SHISA9: variants seen among roughly 807,000 people sequenced by gnomAD.
SHISA9 encodes protein shisa-9.
In SHISA9, 13 loss-of-function variants were observed where a neutral mutation model predicts 38.0. The ratio of observed to expected loss-of-function variants is 0.34; its 90% CI spans 0.22 to 0.54. The LOEUF is 0.54. SHISA9 is among the 20% of genes least tolerant of loss of function. The pLI, the probability that SHISA9 is intolerant of heterozygous loss-of-function variation, is 0.91. For synonymous variants in SHISA9, 275 were observed against 242.0 expected (o/e 1.14, Z -1.27); for missense variants, 538 against 575.8 (o/e 0.93, Z 0.67).
intron 2 of SHISA9, among the ~76,000 whole-genome samples, chr16:12,939,441 T>C (rs1189802378): frequency 6.6e-6 from 1 of 152,232 alleles, no homozygotes; most frequent in African/African-American, 2.4e-5. Flanking sequence ...CCCAGAGGTT[T>C]GTTGTTGGTG....
the SHISA9 span, among the ~76,000 whole-genome samples, chr16:13,426,431 A>G: frequency 6.6e-6 from 1 of 152,162 alleles, no homozygotes; most frequent in Non-Finnish European, 1.5e-5. Flanking sequence ...GACACCAAAG[A>G]GCGTCTGCAT....
the SHISA9 span, among the ~76,000 whole-genome samples, chr16:13,546,717 T>C: frequency 2.8e-4 from 43 of 152,336 alleles, no homozygotes; most frequent in African/African-American, 1.0e-3. Context: ...AATTCCTGTT[T>C]TTGTAAAGAC....
chr16:13,282,909 GT>G, the SHISA9 span, among the ~76,000 whole-genome samples: 2 of 151,512 alleles, frequency 1.3e-5, no homozygotes, highest in African/African-American at 2.4e-5. Flanking sequence ...TTTCCTTTAG[GT>G]TTTTTTAAAT....
At chr16:13,214,060 C>G (rs1252626188) in intron 4 of SHISA9, among the ~76,000 whole-genome samples, 1 of 152,126 alleles carries the variant, frequency 6.6e-6, no homozygotes, top group Non-Finnish European at 1.5e-5. Context: ...ATCAGTCTGA[C>G]CCTTATTCTA....
intron 2 of SHISA9, among the ~76,000 whole-genome samples, chr16:13,175,203 C>CAA (rs549571777): frequency 7.4e-6 from 1 of 134,676 alleles, no homozygotes; most frequent in East Asian, 2.1e-4. Context: ...CCCGTCTCTC[C>CAA]AAAAAAAAAA....
chr16:13,331,323 C>G, the SHISA9 span: 1 of 151,710 alleles, frequency 6.6e-6, no homozygotes, highest in African/African-American at 2.4e-5. Flanking sequence ...TAATGGCTGC[C>G]AATAGAATTG....
intron 2 of SHISA9, among the ~76,000 whole-genome samples, chr16:12,981,617 A>G (rs2072241030): frequency 6.6e-6 from 1 of 152,210 alleles, no homozygotes; most frequent in Admixed American, 6.5e-5. Context: ...AGAACTGGCC[A>G]TCTCGATTTT....
At chr16:13,151,432 C>G (rs1026943483) in intron 2 of SHISA9, among the ~76,000 whole-genome samples, 1 of 152,046 alleles carries the variant, frequency 6.6e-6, no homozygotes, top group African/African-American at 2.4e-5. Flanking sequence ...GGATCACAAC[C>G]TCTCTCAATG....
intron 2 of SHISA9, among the ~76,000 whole-genome samples, chr16:13,019,432 C>G (rs1037784186): frequency 6.6e-6 from 1 of 151,926 alleles, no homozygotes; most frequent in African/African-American, 2.4e-5. Flanking sequence ...GTGGCCTTTC[C>G]TCAGTGGGAG....
chr16:13,027,003 CA>C (rs2072930581), intron 2 of SHISA9, among the ~76,000 whole-genome samples: 1 of 152,180 alleles, frequency 6.6e-6, no homozygotes, highest in South Asian at 2.1e-4. Context: ...CCTAGAGTTT[CA>C]TGGCCTGAAA....
chr16:13,364,834 G>C, the SHISA9 span, among the ~76,000 whole-genome samples: 3 of 152,174 alleles, frequency 2.0e-5, no homozygotes, highest in Non-Finnish European at 2.9e-5. Context: ...ATTTGAGCAT[G>C]TTGCTGGTAA....
At chr16:13,198,580 AT>A (rs143493481) in intron 2 of SHISA9, among the ~76,000 whole-genome samples, 1 of 151,226 alleles carries the variant, frequency 6.6e-6, no homozygotes, top group African/African-American at 2.4e-5. Context: ...TCCAATCTGC[AT>A]TTTTTTTTGT....
At chr16:13,111,822 A>G (rs539173487) in intron 2 of SHISA9, among the ~76,000 whole-genome samples, 4 of 152,300 alleles carry the variant, frequency 2.6e-5, no homozygotes, top group East Asian at 1.9e-4. Flanking sequence ...AAAGGAGGGT[A>G]GGAGACTATG....
chr16:13,348,546 C>G, the SHISA9 span, among the ~76,000 whole-genome samples: 1 of 151,852 alleles, frequency 6.6e-6, no homozygotes, highest in African/African-American at 2.4e-5. Flanking sequence ...CGAGCTGATG[C>G]CTGGTGCCTG....
chr16:12,970,681 G>A (rs961631265), intron 2 of SHISA9, among the ~76,000 whole-genome samples: 1 of 148,034 alleles, frequency 6.8e-6, no homozygotes, highest in South Asian at 2.2e-4. Flanking sequence ...GGCTATTTTT[G>A]TTGTTGTTGT....
At chr16:13,254,937 C>T in the SHISA9 span, among the ~76,000 whole-genome samples, 6 of 152,318 alleles carry the variant, frequency 3.9e-5, no homozygotes, top group African/African-American at 1.4e-4. Context: ...TGAACTTGAG[C>T]TGTTTGAGCA....
At chr16:13,493,530 G>C in the SHISA9 span, among the ~76,000 whole-genome samples, 267 of 152,290 alleles carry the variant, frequency 1.8e-3, no homozygotes, top group Non-Finnish European at 2.3e-3. Flanking sequence ...CTGATAGGTA[G>C]GAGGTACGTT....
intron 2 of SHISA9, among the ~76,000 whole-genome samples, chr16:13,081,135 G>T (rs1324228824): frequency 1.3e-5 from 2 of 152,128 alleles, no homozygotes; most frequent in Non-Finnish European, 2.9e-5. Flanking sequence ...GGAGAATTGG[G>T]GTTTTCAAAA....
At chr16:13,068,716 ATG>A (rs1055015685) in intron 2 of SHISA9, among the ~76,000 whole-genome samples, 2 of 152,296 alleles carry the variant, frequency 1.3e-5, no homozygotes, top group African/African-American at 2.4e-5. Context: ...AGGGTCTGAG[ATG>A]TGTGTGTGTA....
Sources: gnomAD v4.1 joint callset for allele counts (sites outside exome capture counted in the v4.1 genomes callset) on GRCh38, gnomAD v4.1.1 for gene constraint, MANE v1.5 for transcripts, NCBI Gene and HGNC (gene_info 2026-07-23, HGNC 2026-07-21) for gene names.